Variants in IFT70A observed in about 807,000 individuals in gnomAD.
The protein encoded by IFT70A is intraflagellar transport 70A.
At chr2:177,618,329 T>C in the IFT70A span, 4 of 1,613,822 alleles carry the variant, frequency 2.5e-6, no homozygotes, top group East Asian at 2.2e-5. Context: ...TCGCCCTCGC[T>C]ATACTTGATG....
At chr2:177,616,796 C>T in the IFT70A span, 2 of 1,596,276 alleles carry the variant, frequency 1.3e-6, no homozygotes, top group African/African-American at 1.3e-5. Flanking sequence ...ATTCTTTCTT[C>T]TTCGAGGGGT....
the IFT70A span, chr2:177,617,444 T>C: frequency 1.2e-6 from 2 of 1,611,694 alleles, no homozygotes; most frequent in South Asian, 2.2e-5. Flanking sequence ...TATTTCTCCA[T>C]GGTTTCATCA....
the IFT70A span, chr2:177,617,061 AT>A: frequency 6.2e-7 from 1 of 1,613,206 alleles, no homozygotes; most frequent in African/African-American, 1.3e-5. Context: ...CTATCACCAA[AT>A]TCACAATGCA....
the IFT70A span, chr2:177,617,857 T>G: frequency 6.2e-7 from 1 of 1,614,240 alleles, no homozygotes; most frequent in Non-Finnish European, 8.5e-7. Context: ...CAACTCTTCC[T>G]CTGCCCTGGG....
chr2:177,618,740 C>G, the IFT70A span: 1 of 1,509,396 alleles, frequency 6.6e-7, no homozygotes, highest in Non-Finnish European at 8.9e-7. Context: ...ACCACGGCAA[C>G]AGGGCAACCG....
the IFT70A span, chr2:177,616,060 T>C: frequency 2.0e-5 from 3 of 152,088 alleles, no homozygotes; most frequent in East Asian, 5.8e-4. Flanking sequence ...AACCAAATTA[T>C]GAAAAAAAAT....
chr2:177,618,682 G>A, the IFT70A span: 2 of 1,588,250 alleles, frequency 1.3e-6, no homozygotes. Flanking sequence ...GGGGATCTGC[G>A]CGCCGCTCAG....
the IFT70A span, chr2:177,617,921 C>T: frequency 6.2e-7 from 1 of 1,614,168 alleles, no homozygotes; most frequent in Non-Finnish European, 8.5e-7. Flanking sequence ...AGTTGGTATT[C>T]TATGGCTGCC....
chr2:177,613,898 A>G, the IFT70A span: 5 of 152,174 alleles, frequency 3.3e-5, no homozygotes, highest in African/African-American at 7.2e-5. Flanking sequence ...ATATGTTCAC[A>G]TGATATTAAT....
the IFT70A span, chr2:177,613,458 T>G: frequency 1.3e-5 from 2 of 152,210 alleles, 1 homozygote; most frequent in Non-Finnish European, 2.9e-5. Context: ...CACTTTATAT[T>G]CACAAAAGTA....
At chr2:177,614,664 T>G in the IFT70A span, 6 of 152,202 alleles carry the variant, frequency 3.9e-5, no homozygotes, top group African/African-American at 1.4e-4. Context: ...TATACCTGGT[T>G]GAGGTTCAAC....
chr2:177,615,864 CTTA>C, the IFT70A span: 88 of 152,090 alleles, frequency 5.8e-4, no homozygotes, highest in African/African-American at 2.0e-3. Flanking sequence ...CAGTTCAGTG[CTTA>C]TTTTTTCCTA....
the IFT70A span, chr2:177,618,316 A>C: frequency 3.7e-6 from 6 of 1,614,046 alleles, no homozygotes; most frequent in Non-Finnish European, 5.1e-6. Context: ...GGACCCTGGC[A>C]GATCGCCCTC....
At chr2:177,614,629 T>C in the IFT70A span, 1 of 152,208 alleles carries the variant, frequency 6.6e-6, no homozygotes, top group Admixed American at 6.5e-5. Context: ...TGACACTTAC[T>C]GCTAAAAGGT....
the IFT70A span, chr2:177,618,695 C>T: frequency 6.4e-7 from 1 of 1,568,896 alleles, no homozygotes; most frequent in Non-Finnish European, 8.7e-7. Flanking sequence ...CCGCTCAGAC[C>T]AGCCATAACC....
the IFT70A span, chr2:177,616,231 T>C: frequency 6.6e-6 from 1 of 152,526 alleles, no homozygotes; most frequent in African/African-American, 2.4e-5. Context: ...GAATTAGATT[T>C]ATCAGACAGC....
chr2:177,613,772 T>C, the IFT70A span: 15 of 152,332 alleles, frequency 9.8e-5, no homozygotes, highest in Admixed American at 3.9e-4. Context: ...CCTGCTTGCA[T>C]AGTATAATTT....
chr2:177,617,761 T>C, the IFT70A span: 1 of 1,614,206 alleles, frequency 6.2e-7, no homozygotes, highest in Non-Finnish European at 8.5e-7. Flanking sequence ...GGGATTCTGT[T>C]GGAGCAAAAA....
chr2:177,617,961 C>A, the IFT70A span: 1 of 1,614,144 alleles, frequency 6.2e-7, no homozygotes, highest in African/African-American at 1.3e-5. Context: ...CCAGAGCAGT[C>A]TGATGGAGAA....
Sources: allele counts gnomAD v4.1 joint callset, GRCh38; gene constraint gnomAD v4.1.1; transcripts MANE v1.5; gene names NCBI Gene and HGNC (gene_info 2026-07-23, HGNC 2026-07-21).